Variants in TCF3 observed in about 807,000 individuals in gnomAD.
TCF3 encodes transcription factor E2-alpha.
Under a neutral mutation model 72.3 loss-of-function variants are expected in TCF3, and 54 were observed. That is an observed-to-expected ratio of 0.75 (90% CI 0.60 to 0.94). The LOEUF is 0.94. TCF3 is among the 40% of genes least tolerant of loss of function. The probability of loss-of-function intolerance (pLI) is 0.00; values close to 1 mark genes in which losing one functional copy is unlikely to be tolerated. For missense variants in TCF3, 1,078 were observed against 934.4 expected, an observed-to-expected ratio of 1.15 and a Z score of -2.00; for synonymous variants, 525 against 412.6, an observed-to-expected ratio of 1.27 and a Z score of -3.30.
chr19:1,623,532 C>T (rs545527046), intron 8 of TCF3, among the ~76,000 whole-genome samples: 5 of 152,140 alleles, frequency 3.3e-5, no homozygotes, highest in Admixed American at 6.5e-5. Flanking sequence ...TACAGGCACG[C>T]ACCACCACGC....
intron 8 of TCF3, 107 bp from the exon 9 acceptor site, chr19:1,622,522 C>T (rs763202075): frequency 2.7e-5 from 16 of 603,580 alleles, no homozygotes; most frequent in Admixed American, 1.0e-4. Context: ...TCTACCACCC[C>T]GTTTCCCTTC....
intron 13 of TCF3, 65 bp from the exon 14 acceptor site, chr19:1,619,918 T>C (rs2061985167): frequency 1.5e-6 from 2 of 1,357,778 alleles, no homozygotes; most frequent in South Asian, 1.3e-5. Context: ...CTGATGCCCA[T>C]GGGGAGGGAT....
At chr19:1,627,253 G>A in intron 6 of TCF3, 106 bp downstream of exon 6, 5 of 578,582 alleles carry the variant, frequency 8.6e-6, no homozygotes, top group South Asian at 4.2e-5. Context: ...CTATCAGGAA[G>A]CAAACATAAC....
At chr19:1,640,277 T>C (rs774979373) in intron 3 of TCF3, among the ~76,000 whole-genome samples, 12 of 152,118 alleles carry the variant, frequency 7.9e-5, no homozygotes, top group Non-Finnish European at 1.5e-4. Flanking sequence ...GGCTCATGCC[T>C]GTAATCCCAG....
At chr19:1,611,963 T>C in intron 18 of TCF3, 114 bp from the exon 19 acceptor site, 1 of 630,096 alleles carries the variant, frequency 1.6e-6, no homozygotes, top group Non-Finnish European at 2.6e-6. Context: ...CCCCATCACG[T>C]GTGGCCTCCT....
At chr19:1,635,949 G>A (rs906701257) in intron 3 of TCF3, among the ~76,000 whole-genome samples, 17 of 152,154 alleles carry the variant, frequency 1.1e-4, no homozygotes, top group Non-Finnish European at 2.1e-4. Context: ...CCCCAAGCCC[G>A]TGCCTCGCCC....
At chr19:1,618,600 T>TTGCCTGGGCTGCGCCCTC (rs1340062488) in intron 16 of TCF3, among the ~76,000 whole-genome samples, 2 of 151,616 alleles carry the variant, frequency 1.3e-5, no homozygotes, top group African/African-American at 4.8e-5. Flanking sequence ...CCCAGGGCCT[T>TTGCCTGGGCTGCGCCCTC]TGCCTGGGCT....
chr19:1,614,309 G>T lies in TCF3; in HGVS notation c.1822+976C>A. On this transcript the variant is annotated intron_variant, in intron 18 of 18. Transcript: ENST00000262965. This position sits in a 1 kb window ranked among gnomAD's most constrained non-coding sequence, Gnocchi z 5.6. ...GACCAAACTGACAGGACCAGGGGCT[G>T]CGTGCTCCCGGGTCTGGTTTCTTCC... Among the ~76,000 whole-genome samples the T allele has an allele frequency of 6.6e-6, 1 of 152,240 alleles. No homozygotes were observed. The highest frequency in any genetic ancestry group is 1.5e-5 in the Non-Finnish European group (1 of 68,040).
intron 14 of TCF3, 129 bp from the exon 15 acceptor site, chr19:1,619,603 A>G: frequency 7.2e-7 from 1 of 1,384,542 alleles, no homozygotes; most frequent in Non-Finnish European, 9.6e-7. Flanking sequence ...TGCATATGCC[A>G]GGCATCTGGC....
chr19:1,636,235 C>T (rs1599889937), intron 3 of TCF3, among the ~76,000 whole-genome samples: 2 of 152,174 alleles, frequency 1.3e-5, no homozygotes, highest in Non-Finnish European at 2.9e-5. Flanking sequence ...TCTTGGCTCA[C>T]TGCAACCTCC....
In TCF3 at chr19:1,614,578, G is replaced by A. The variant is rs1255468210; in HGVS notation, c.1822+707C>T. On this transcript the variant is annotated intron_variant, in intron 18 of 18. Coordinates refer to ENST00000262965, the MANE Select transcript of TCF3 (RefSeq NM_003200.5). The surrounding 1 kb of genome is among the most constrained non-coding windows in gnomAD (Gnocchi z 5.6). ...TTAGAGCTGAGGGGATAGCGTGTGG[G>A]CCGGGCCGGGGCTCTGGCTCCGGTC... Among the ~76,000 whole-genome samples, 1 of 152,160 alleles carries A rather than the reference G, an allele frequency of 6.6e-6. No homozygotes were observed. The highest frequency in any genetic ancestry group is 1.5e-5 in the Non-Finnish European group (1 of 68,020).
At chr19:1,618,565 C>T (rs1402881635) in intron 16 of TCF3, among the ~76,000 whole-genome samples, 5 of 149,630 alleles carry the variant, frequency 3.3e-5, no homozygotes, top group Non-Finnish European at 7.4e-5. Flanking sequence ...GGTCTCCTGG[C>T]TGTTCCTCCC....
At chr19:1,644,081 C>T (rs1600089312) in intron 3 of TCF3, among the ~76,000 whole-genome samples, 1 of 152,326 alleles carries the variant, frequency 6.6e-6, no homozygotes, top group East Asian at 1.9e-4. Context: ...GCTGATGAGC[C>T]CCAAACTCCC....
Position 1,614,776 on chromosome 19 carries a change from T to C in TCF3, c.1822+509A>G, listed in dbSNP as rs1463802302. ...CCCTGGCCCTGGGAAATGGGGGTGATAGGAAGTTTCCCTATCACCTTCAGA... is the reference window on the plus strand; with the variant it reads ...CCCTGGCCCTGGGAAATGGGGGTGACAGGAAGTTTCCCTATCACCTTCAGA... On this transcript the variant is annotated intron_variant, in intron 18 of 18. Coordinates refer to ENST00000262965, the MANE Select transcript of TCF3 (RefSeq NM_003200.5). The surrounding 1 kb of genome is among the most constrained non-coding windows in gnomAD (Gnocchi z 5.6). Among the ~76,000 whole-genome samples, 2 of 151,508 alleles carry C rather than the reference T, an allele frequency of 1.3e-5. No individual in the cohort carries two copies. Among genetic ancestry groups the C allele is most frequent in the Non-Finnish European group, 1.5e-5 (1 of 67,842 alleles).
rs77700996 is a variant in TCF3, at chr19:1,636,837, G to A, written c.146-4432C>T. 6.2e-3 allele frequency among the ~76,000 whole-genome samples: 939 copies of A among 152,256 alleles called. 17 individuals carry two copies. The highest frequency in any genetic ancestry group is 0.021 in the African/African-American group (886 of 41,554). ...GAGATCCCGCAAAGCCTCCCACTTC[G>A]ATCTGCCTCTAATGTCTGGCGATGG... On this transcript the variant is annotated intron_variant, in intron 3 of 18. Coordinates refer to ENST00000262965, the MANE Select transcript of TCF3 (RefSeq NM_003200.5).
chr19:1,624,677 G>GCGCCTTCCTGATCACTCA (rs1256965021), intron 7 of TCF3, among the ~76,000 whole-genome samples: 4 of 152,212 alleles, frequency 2.6e-5, no homozygotes, highest in Non-Finnish European at 5.9e-5. Context: ...CAGCACTCAG[G>GCGCCTTCCTGATCACTCA]CGCCTTCCTG....
intron 2 of TCF3, among the ~76,000 whole-genome samples, chr19:1,649,145 C>A (rs887070238): frequency 6.6e-6 from 1 of 152,224 alleles, no homozygotes. Flanking sequence ...CCCCACCGGG[C>A]CTGCCTGCTC....
At chr19:1,640,169 C>T (rs771673673) in intron 3 of TCF3, among the ~76,000 whole-genome samples, 3 of 152,106 alleles carry the variant, frequency 2.0e-5, no homozygotes, top group Admixed American at 6.5e-5. Flanking sequence ...CGGGGCCAGG[C>T]GCAGAGGGTC....
chr19:1,650,966 A>G, intron 1 of TCF3: 1 of 221,938 alleles, frequency 4.5e-6, no homozygotes, highest in East Asian at 6.5e-5. Context: ...TTCAGGAAAG[A>G]AAAAAAAAAC....
Sources: allele counts gnomAD v4.1 joint callset (sites outside exome capture counted in the v4.1 genomes callset), GRCh38; gene constraint gnomAD v4.1.1; non-coding constraint Gnocchi (gnomAD v3.1); transcripts MANE v1.5; gene names NCBI Gene and HGNC (gene_info 2026-07-23, HGNC 2026-07-21).